The following LHFPL6 variants were observed in gnomAD, a reference collection of about 807,000 sequenced individuals.
LHFPL6 encodes LHFPL tetraspan subfamily member 6, also known as LHFPL tetraspan subfamily member 6 protein.
Under a neutral mutation model 20.6 loss-of-function variants are expected in LHFPL6, and 9 were observed. The observed-to-expected ratio is 0.44, with a 90% CI of 0.26 to 0.76. The LOEUF is 0.76. Ranked by LOEUF, LHFPL6 falls within the 30% of genes least tolerant of loss-of-function variation. The pLI is 0.20. For synonymous variants in LHFPL6, 105 were observed against 98.7 expected (o/e 1.06, Z -0.38); for missense variants, 218 against 253.5 (o/e 0.86, Z 0.95).
chr13:39,586,230 G>A (rs996343799), intron 2 of LHFPL6, among the ~76,000 whole-genome samples: 3 of 152,110 alleles, frequency 2.0e-5, no homozygotes, highest in Admixed American at 2.0e-4. Context: ...GAAAAAAAGA[G>A]TGTCTTTTTG....
At chr13:39,557,064 C>A (rs1170777688) in intron 2 of LHFPL6, among the ~76,000 whole-genome samples, 1 of 152,184 alleles carries the variant, frequency 6.6e-6, no homozygotes, top group African/African-American at 2.4e-5. Context: ...TAAGGAGCAA[C>A]CACCTGCTAG....
chr13:39,405,145 T>C (rs1188389885), intron 2 of LHFPL6, among the ~76,000 whole-genome samples: 1 of 152,222 alleles, frequency 6.6e-6, no homozygotes, highest in Non-Finnish European at 1.5e-5. Context: ...TACACATATG[T>C]GGACATCTGT....
intron 2 of LHFPL6, among the ~76,000 whole-genome samples, chr13:39,484,609 C>A (rs1440679611): frequency 6.6e-6 from 1 of 152,102 alleles, no homozygotes; most frequent in African/African-American, 2.4e-5. Flanking sequence ...TTTTGAAATC[C>A]TTTCCATTAA....
At chr13:39,447,806 C>T (rs1185950375) in intron 2 of LHFPL6, among the ~76,000 whole-genome samples, 1 of 152,146 alleles carries the variant, frequency 6.6e-6, no homozygotes, top group Non-Finnish European at 1.5e-5. Context: ...TCTTCTCCAC[C>T]CTTCATAAAT....
chr13:39,396,550 C>A (rs1033793459), intron 2 of LHFPL6, among the ~76,000 whole-genome samples: 9 of 152,074 alleles, frequency 5.9e-5, no homozygotes. Context: ...AATCCCAACA[C>A]TTTAGGAGGC....
At chr13:39,451,325 C>A (rs915246467) in intron 2 of LHFPL6, among the ~76,000 whole-genome samples, 1 of 152,100 alleles carries the variant, frequency 6.6e-6, no homozygotes, top group Non-Finnish European at 1.5e-5. Context: ...GGGTGATTAA[C>A]AATGGGTAAA....
At chr13:39,347,992 T>A (rs1243451353) in intron 3 of LHFPL6, among the ~76,000 whole-genome samples, 1 of 152,228 alleles carries the variant, frequency 6.6e-6, no homozygotes, top group African/African-American at 2.4e-5. Flanking sequence ...TTGCTGAGGC[T>A]AATTATTTGA....
At chr13:39,406,091 C>T (rs1488984879) in intron 2 of LHFPL6, among the ~76,000 whole-genome samples, 9 of 152,158 alleles carry the variant, frequency 5.9e-5, no homozygotes, top group South Asian at 2.1e-4. Context: ...AGTACAGTTT[C>T]GCTCCCTGGT....
chr13:39,535,644 T>C (rs1364862124), intron 2 of LHFPL6, among the ~76,000 whole-genome samples: 1 of 152,194 alleles, frequency 6.6e-6, no homozygotes, highest in African/African-American at 2.4e-5. Context: ...AGTGTACACA[T>C]TCTGCTTTAC....
At chr13:39,560,676 G>C (rs990195798) in intron 2 of LHFPL6, among the ~76,000 whole-genome samples, 1 of 151,768 alleles carries the variant, frequency 6.6e-6, no homozygotes, top group Non-Finnish European at 1.5e-5. Context: ...CCCCACGCCC[G>C]GCTAATTTCT....
At chr13:39,572,288 CTGTG>C (rs3222813) in intron 2 of LHFPL6, among the ~76,000 whole-genome samples, 5,840 of 143,368 alleles carry the variant, frequency 0.041, 211 homozygotes, top group East Asian at 0.15. Flanking sequence ...TTTTTAAACT[CTGTG>C]TGTGTGTGTG....
intron 2 of LHFPL6, among the ~76,000 whole-genome samples, chr13:39,487,310 A>C (rs1324996494): frequency 6.6e-6 from 1 of 152,172 alleles, no homozygotes; most frequent in African/African-American, 2.4e-5. Context: ...TTTTGGCTTA[A>C]TTTTTAGTAG....
chr13:39,575,844 C>T (rs1872097354), intron 2 of LHFPL6, among the ~76,000 whole-genome samples: 1 of 152,190 alleles, frequency 6.6e-6, no homozygotes, highest in Admixed American at 6.5e-5. Context: ...CTGCTCCTAT[C>T]TTCAGATTGA....
intron 2 of LHFPL6, among the ~76,000 whole-genome samples, chr13:39,514,537 C>T (rs370021032): frequency 4.6e-5 from 7 of 152,172 alleles, no homozygotes; most frequent in African/African-American, 1.4e-4. Flanking sequence ...CCACAATAAT[C>T]TAGGCAGGAA....
intron 3 of LHFPL6, among the ~76,000 whole-genome samples, chr13:39,369,128 A>C (rs1870089058): frequency 1.3e-5 from 2 of 151,688 alleles, no homozygotes; most frequent in Admixed American, 1.3e-4. Flanking sequence ...AAAAAGAAGA[A>C]TCTTTAAAAG....
chr13:39,507,532 A>G (rs984335955), intron 2 of LHFPL6, among the ~76,000 whole-genome samples: 1 of 152,034 alleles, frequency 6.6e-6, no homozygotes, highest in Non-Finnish European at 1.5e-5. Context: ...TACCATCAGT[A>G]ATATTCATAA....
chr13:39,475,853 A>G (rs1452331586), intron 2 of LHFPL6, among the ~76,000 whole-genome samples: 1 of 152,200 alleles, frequency 6.6e-6, no homozygotes, highest in African/African-American at 2.4e-5. Flanking sequence ...CCGTAGAGAA[A>G]GCACAGGCAA....
At chr13:39,454,330 C>A in intron 2 of LHFPL6, among the ~76,000 whole-genome samples, 1 of 151,910 alleles carries the variant, frequency 6.6e-6, no homozygotes, top group African/African-American at 2.4e-5. Flanking sequence ...CTAACGTTTC[C>A]TTAAGAGTTG....
At chr13:39,392,611 A>G (rs1455573295) in intron 2 of LHFPL6, among the ~76,000 whole-genome samples, 1 of 152,110 alleles carries the variant, frequency 6.6e-6, no homozygotes, top group Non-Finnish European at 1.5e-5. Flanking sequence ...AAACAAAACA[A>G]AACAAAACAA....
Sources: allele counts gnomAD v4.1 joint callset (sites outside exome capture counted in the v4.1 genomes callset), GRCh38; gene constraint gnomAD v4.1.1; transcripts MANE v1.5; gene names NCBI Gene and HGNC (gene_info 2026-07-23, HGNC 2026-07-21).